STK10: variants seen among roughly 807,000 people sequenced by gnomAD.
STK10 encodes serine/threonine kinase 10, also known as serine/threonine-protein kinase 10.
A neutral mutation model predicts 113.8 loss-of-function variants in STK10; 78 were observed. The ratio of observed to expected loss-of-function variants is 0.69; its 90% CI spans 0.57 to 0.83. The LOEUF (loss-of-function observed/expected upper bound fraction) is 0.83, where lower values mean the gene tolerates loss of function less well. Ranked by LOEUF, STK10 falls within the 40% of genes least tolerant of loss-of-function variation. The pLI is 0.00. For missense variants in STK10, 1,109 were observed against 1,280.1 expected, an observed-to-expected ratio of 0.87 and a Z score of 2.04; for synonymous variants, 465 against 494.7, an observed-to-expected ratio of 0.94 and a Z score of 0.80.
intron 9 of STK10, 85 bp from the exon 10 acceptor site, chr5:172,090,447 T>C: frequency 6.5e-7 from 1 of 1,533,650 alleles, no homozygotes; most frequent in South Asian, 1.3e-5. Context: ...ACAGCTCTGC[T>C]GGGCCCACAG....
intron 1 of STK10, among the ~76,000 whole-genome samples, chr5:172,157,024 C>T (rs1449148201): frequency 6.6e-6 from 1 of 152,142 alleles, no homozygotes; most frequent in East Asian, 1.9e-4. Flanking sequence ...CACAGCTCTA[C>T]AAATACCAAC....
chr5:172,104,099 A>C (rs1769049484), intron 7 of STK10, among the ~76,000 whole-genome samples: 1 of 152,234 alleles, frequency 6.6e-6, no homozygotes, highest in Non-Finnish European at 1.5e-5. Flanking sequence ...AAGCTGGGAA[A>C]AGCTGGGTGA....
intron 9 of STK10, 65 bp from the exon 10 acceptor site, chr5:172,090,427 A>G: frequency 2.5e-6 from 4 of 1,577,324 alleles, no homozygotes; most frequent in Non-Finnish European, 3.5e-6. Flanking sequence ...CTGTCGCAGC[A>G]GGTGAGGCCA....
intron 1 of STK10, among the ~76,000 whole-genome samples, chr5:172,173,647 G>A (rs1248171975): frequency 6.6e-6 from 1 of 152,146 alleles, no homozygotes; most frequent in Non-Finnish European, 1.5e-5. Context: ...ATAACAGAGA[G>A]AGCAACAAAC....
chr5:172,141,656 T>C (rs1336995158), intron 2 of STK10, among the ~76,000 whole-genome samples: 4 of 151,452 alleles, frequency 2.6e-5, no homozygotes, highest in Non-Finnish European at 5.9e-5. Flanking sequence ...GGTAATACAC[T>C]CTGGTAAGGG....
chr5:172,047,322 G>A (rs1000664584), intron 18 of STK10, among the ~76,000 whole-genome samples: 12 of 152,202 alleles, frequency 7.9e-5, no homozygotes, highest in African/African-American at 2.9e-4. Flanking sequence ...CCTCTTTGAA[G>A]CGATCTGAGA....
At chr5:172,135,957 G>T (rs1465346832) in intron 2 of STK10, among the ~76,000 whole-genome samples, 1 of 151,452 alleles carries the variant, frequency 6.6e-6, no homozygotes, top group Non-Finnish European at 1.5e-5. Flanking sequence ...AACCCAGGAG[G>T]TGGAGGTTGC....
At chr5:172,137,954 G>A (rs929113653) in intron 2 of STK10, among the ~76,000 whole-genome samples, 9 of 149,728 alleles carry the variant, frequency 6.0e-5, no homozygotes, top group East Asian at 3.9e-4. Flanking sequence ...AATTAACATC[G>A]CACTTAATGG....
chr5:172,074,347 T>C (rs946312286), intron 12 of STK10, among the ~76,000 whole-genome samples: 4 of 152,210 alleles, frequency 2.6e-5, no homozygotes, highest in East Asian at 1.9e-4. Flanking sequence ...GACAGACAAA[T>C]AGATCGGTGA....
intron 18 of STK10, among the ~76,000 whole-genome samples, chr5:172,046,682 T>A (rs1487598998): frequency 6.6e-6 from 1 of 152,236 alleles, no homozygotes; most frequent in African/African-American, 2.4e-5. Context: ...TTTTCTGTTA[T>A]GTGACAGATA....
intron 17 of STK10, among the ~76,000 whole-genome samples, chr5:172,054,089 C>T (rs1467124664): frequency 2.0e-5 from 3 of 152,230 alleles, no homozygotes; most frequent in South Asian, 4.1e-4. Flanking sequence ...GAATCAGCCC[C>T]GTCCCCACAA....
chr5:172,076,964 C>T (rs1007075567), intron 12 of STK10, among the ~76,000 whole-genome samples: 7 of 117,800 alleles, frequency 5.9e-5, no homozygotes, highest in African/African-American at 2.8e-4. Context: ...CGTCACACCA[C>T]TGACCATGGA....
intron 10 of STK10, among the ~76,000 whole-genome samples, chr5:172,084,483 G>C (rs930236071): frequency 1.3e-5 from 2 of 151,792 alleles, no homozygotes; most frequent in Non-Finnish European, 2.9e-5. Flanking sequence ...AGATATTAAA[G>C]AATAGGTCTG....
At chr5:172,064,498 G>C in intron 13 of STK10, 1 of 595,690 alleles carries the variant, frequency 1.7e-6, no homozygotes, top group South Asian at 2.0e-5. Flanking sequence ...AAGTGTTGGG[G>C]TATCCAGAGA....
chr5:172,176,616 G>GTC (rs1770763766), intron 1 of STK10, among the ~76,000 whole-genome samples: 2 of 152,284 alleles, frequency 1.3e-5, no homozygotes, highest in Admixed American at 1.3e-4. Flanking sequence ...TCAAAAGACA[G>GTC]TCCTTCTCTA....
intron 3 of STK10, among the ~76,000 whole-genome samples, chr5:172,117,943 G>A (rs3111487): frequency 0.081 from 11,963 of 147,672 alleles, 730 homozygotes; most frequent in African/African-American, 0.17. Flanking sequence ...AACCTGGGCA[G>A]CAGAGGTTGC....
At chr5:172,098,805 G>A (rs776957671) in intron 7 of STK10, among the ~76,000 whole-genome samples, 1 of 152,056 alleles carries the variant, frequency 6.6e-6, no homozygotes, top group African/African-American at 2.4e-5. Context: ...TATATATTAG[G>A]AACAGCTGTT....
intron 13 of STK10, 23 bp from the exon 14 acceptor site, chr5:172,061,291 G>A: frequency 6.3e-7 from 1 of 1,596,734 alleles, no homozygotes; most frequent in Non-Finnish European, 8.5e-7. Flanking sequence ...AGGAGGACAG[G>A]CCTTTATCCA....
chr5:172,185,774 C>T (rs558224585), intron 1 of STK10, among the ~76,000 whole-genome samples: 2 of 152,284 alleles, frequency 1.3e-5, no homozygotes, highest in African/African-American at 4.8e-5. Context: ...CTGGTGCCAC[C>T]AGGAAGAAGA....
Sources: gnomAD v4.1 joint callset for allele counts (sites outside exome capture counted in the v4.1 genomes callset) on GRCh38, gnomAD v4.1.1 for gene constraint, MANE v1.5 for transcripts, NCBI Gene and HGNC (gene_info 2026-07-23, HGNC 2026-07-21) for gene names.